ALOX5: variants seen among roughly 807,000 people sequenced by gnomAD.
The protein encoded by ALOX5 is polyunsaturated fatty acid 5-lipoxygenase.
In ALOX5, 64 loss-of-function variants were observed where a neutral mutation model predicts 87.9. That is an observed-to-expected ratio of 0.73 (90% CI 0.60 to 0.90). ALOX5 has a LOEUF of 0.90. ALOX5 is among the 40% of genes least tolerant of loss of function. ALOX5 has a pLI of 0.00. For missense variants in ALOX5, 822 were observed against 907.5 expected, an observed-to-expected ratio of 0.91 and a Z score of 1.21; for synonymous variants, 388 against 355.1, an observed-to-expected ratio of 1.09 and a Z score of -1.04.
intron 3 of ALOX5, among the ~76,000 whole-genome samples, chr10:45,408,458 G>A (rs1268635363): frequency 6.6e-6 from 1 of 152,160 alleles, no homozygotes; most frequent in African/African-American, 2.4e-5. Context: ...CTAAAAACTT[G>A]GAATGTCTAG....
intron 2 of ALOX5, among the ~76,000 whole-genome samples, chr10:45,392,158 T>G (rs1226000983): frequency 6.6e-6 from 1 of 151,842 alleles, no homozygotes; most frequent in Non-Finnish European, 1.5e-5. Context: ...CCACCCCTAC[T>G]GGGAAGTGAG....
At chr10:45,443,615 G>A in intron 11 of ALOX5, 78 bp downstream of exon 11, 2 of 1,597,430 alleles carry the variant, frequency 1.3e-6, no homozygotes, top group Non-Finnish European at 8.5e-7. Context: ...CCTCCGGGGT[G>A]TCCTGCCCAG....
At chr10:45,416,335 G>A (rs1029809064) in intron 4 of ALOX5, among the ~76,000 whole-genome samples, 1 of 152,192 alleles carries the variant, frequency 6.6e-6, no homozygotes, top group East Asian at 1.9e-4. Context: ...CAAAGCTGGG[G>A]CATTTTTCTC....
chr10:45,412,445 A>G, intron 4 of ALOX5, 132 bp downstream of exon 4: 1 of 1,239,850 alleles, frequency 8.1e-7, no homozygotes, highest in Non-Finnish European at 1.1e-6. Flanking sequence ...CGCTTTGATG[A>G]TATGTTGGCC....
chr10:45,425,834 G>T lies in ALOX5; in HGVS notation c.834+702G>T, dbSNP rs1026259798. On this transcript the variant is annotated intron_variant, in intron 6 of 13. Coordinates refer to ENST00000374391, the MANE Select transcript of ALOX5 (RefSeq NM_000698.5). This position sits in a 1 kb window ranked among gnomAD's most constrained non-coding sequence, Gnocchi z 4.4. ...CCTGCTGCCTATCCCCAGGTGTCCA[G>T]GTGGCCTCTGCTGCTTCCAGTCTTT... is the stretch of plus-strand genomic sequence containing the variant. Among the ~76,000 whole-genome samples, 25 of 152,230 alleles carry T rather than the reference G, an allele frequency of 1.6e-4. No individual in the cohort carries two copies. The highest frequency in any genetic ancestry group is 5.3e-4 in the African/African-American group (22 of 41,462).
intron 4 of ALOX5, among the ~76,000 whole-genome samples, chr10:45,416,256 G>A (rs1309268296): frequency 6.6e-6 from 1 of 152,172 alleles, no homozygotes; most frequent in East Asian, 1.9e-4. Flanking sequence ...TCAAGGTCAA[G>A]GAGTTTGCCT....
At chr10:45,437,303 C>CAA (rs1842089365) in intron 7 of ALOX5, among the ~76,000 whole-genome samples, 1 of 152,132 alleles carries the variant, frequency 6.6e-6, no homozygotes, top group Non-Finnish European at 1.5e-5. Flanking sequence ...CAGTGAGCTG[C>CAA]GATCACACCA....
chr10:45,435,339 C>G (rs1182774964), intron 7 of ALOX5, among the ~76,000 whole-genome samples: 1 of 151,748 alleles, frequency 6.6e-6, no homozygotes, highest in East Asian at 1.9e-4. Context: ...TTGCATAATG[C>G]TGGGGTTAGG....
chr10:45,424,242 C>A, intron 5 of ALOX5, 95 bp downstream of exon 5: 1 of 1,077,638 alleles, frequency 9.3e-7, no homozygotes, highest in Non-Finnish European at 1.4e-6. Flanking sequence ...GGCCTTCCTG[C>A]CTGCTGCAGC....
chr10:45,440,096 C>A (rs950677629), intron 7 of ALOX5, among the ~76,000 whole-genome samples: 1 of 152,178 alleles, frequency 6.6e-6, no homozygotes, highest in African/African-American at 2.4e-5. Context: ...CGATCCTCCC[C>A]CTCCGCTGCT....
At position 45,395,889 on chromosome 10, in the gene ALOX5, C is replaced by G. The variant is rs760729216; in HGVS notation, c.384C>G (p.Leu128=). 9 of 1,614,262 alleles carry G rather than the reference C, an allele frequency of 5.6e-6. 1 individual carries two copies. In the South Asian group the frequency reaches 9.9e-5, roughly 18 times the overall value. Residue 128 remains leucine, a synonymous_variant, in exon 3 of 14, where the codon CTC becomes CTG. Coordinates refer to ENST00000374391, the MANE Select transcript of ALOX5 (RefSeq NM_000698.5). ...CCCGAGATGACCAAATTCACATTCT[C>G]AAGCAACACCGACGTAAAGAACTGG... ...KLARDDQIHI[L]KQHRRKELET... is the part of the protein sequence containing the mutation.
At chr10:45,388,061 C>A in intron 2 of ALOX5, among the ~76,000 whole-genome samples, 1 of 152,190 alleles carries the variant, frequency 6.6e-6, no homozygotes, top group Non-Finnish European at 1.5e-5. Flanking sequence ...ACGGACAGCA[C>A]CTGGAAAATT....
At chr10:45,428,292 T>G in intron 6 of ALOX5, 1 of 389,202 alleles carries the variant, frequency 2.6e-6, no homozygotes. Flanking sequence ...ACTCGTCACA[T>G]CTATTTCACC....
At position 45,412,399 on chromosome 10, in the gene ALOX5, G is replaced by T; in HGVS notation, c.554+86G>T. The T allele has an allele frequency of 2.6e-6, 4 of 1,548,080 alleles. 1 individual carries two copies. The highest frequency in any genetic ancestry group is 1.9e-5 in the Admixed American group (1 of 52,060). ...GAACCCTCACTCCTTTCCTCATGGG[G>T]TCCTTGGGTTGGGGGAACAGCCTAG... On this transcript the variant is annotated intron_variant, in intron 4 of 13. Transcript: ENST00000374391.
rs1403640663 is a variant in ALOX5 at position 45,446,067 on chromosome 10, TTGAA to T, written c.*386_*389del. On this transcript the variant is annotated 3_prime_UTR_variant, in exon 14 of 14. Transcript: ENST00000374391. ...TAGTAGGTACCCAATTCAATTACTA[TTGAA>T]TGAATTAAGAATTGGTTGCCATAAA... 2 of 206,720 alleles carry T rather than the reference TTGAA, an allele frequency of 9.7e-6. No individual in the cohort carries two copies. Among genetic ancestry groups the T allele is most frequent in the Non-Finnish European group, 1.9e-5 (2 of 104,440 alleles). 12.8% of individuals were successfully genotyped at this position (206,720 alleles called of 1,614,324 possible). A position where few individuals can be genotyped will look rare whatever the true frequency, so the allele number is the denominator to read the frequency against.
In ALOX5 at chr10:45,395,925, A is replaced by G; in HGVS notation, c.420A>G (p.Gln140=). 1 of 1,614,236 alleles carries G rather than the reference A, an allele frequency of 6.2e-7. No homozygotes were observed. The highest frequency in any genetic ancestry group is 1.1e-5 in the South Asian group (1 of 91,090). The part of the protein sequence containing the change: ...QHRRKELETR[Q]KQYRWMEWNP... Reference sequence around the variant, plus strand: ...GACGTAAAGAACTGGAAACACGGCAAAAACAATATCGGTGAGTTATGACAT... The same window carrying G: ...GACGTAAAGAACTGGAAACACGGCAGAAACAATATCGGTGAGTTATGACAT... Residue 140 remains glutamine (Q), a synonymous_variant, in exon 3 of 14, where the codon CAA becomes CAG. Transcript: ENST00000374391.
At chr10:45,412,844 A>T (rs1230532327) in intron 4 of ALOX5, among the ~76,000 whole-genome samples, 1 of 152,190 alleles carries the variant, frequency 6.6e-6, no homozygotes, top group Non-Finnish European at 1.5e-5. Flanking sequence ...TAAATGGCAG[A>T]GATATAGGTT....
intron 4 of ALOX5, among the ~76,000 whole-genome samples, chr10:45,415,448 G>A (rs1339420429): frequency 2.6e-5 from 4 of 152,140 alleles, no homozygotes; most frequent in Non-Finnish European, 4.4e-5. Context: ...GGTGGGGAGA[G>A]GGGGGAGGGA....
intron 2 of ALOX5, among the ~76,000 whole-genome samples, chr10:45,383,560 C>T (rs747585247): frequency 2.0e-5 from 3 of 152,240 alleles, no homozygotes; most frequent in Non-Finnish European, 4.4e-5. Flanking sequence ...GCGTCAAACT[C>T]TTTCTCTTTG....
Sources: allele counts gnomAD v4.1 joint callset (sites outside exome capture counted in the v4.1 genomes callset), GRCh38; gene constraint gnomAD v4.1.1; non-coding constraint Gnocchi (gnomAD v3.1); transcripts MANE v1.5; gene names NCBI Gene and HGNC (gene_info 2026-07-23, HGNC 2026-07-21).